GCNT1: variants seen among roughly 807,000 people sequenced by gnomAD.
GCNT1 encodes the protein glucosaminyl (N-acetyl) transferase 1.
In GCNT1, 16 loss-of-function variants were observed where a neutral mutation model predicts 26.2. The observed-to-expected ratio is 0.61, with a 90% CI of 0.41 to 0.93. The LOEUF (loss-of-function observed/expected upper bound fraction) is 0.93. Among genes scored for constraint, GCNT1 ranks in the 40% least tolerant of loss-of-function variants. The pLI, the probability that GCNT1 is intolerant of heterozygous loss-of-function variation, is 0.00. For synonymous variants in GCNT1, 183 were observed against 190.8 expected, an observed-to-expected ratio of 0.96 and a Z score of 0.34; for missense variants, 477 against 526.7, an observed-to-expected ratio of 0.91 and a Z score of 0.92.
At chr9:76,472,071 T>C (rs1291357276) in intron 2 of GCNT1, among the ~76,000 whole-genome samples, 1 of 151,624 alleles carries the variant, frequency 6.6e-6, no homozygotes. Flanking sequence ...AGGTCAGGAG[T>C]TCGAGACCAG....
intron 1 of GCNT1, among the ~76,000 whole-genome samples, chr9:76,453,107 CTG>C (rs1035793303): frequency 6.6e-6 from 1 of 152,186 alleles, no homozygotes; most frequent in Non-Finnish European, 1.5e-5. Context: ...ACTGAAAAAA[CTG>C]TAGCCAATCT....
chr9:76,427,906 C>T (rs546764542), intron 1 of GCNT1, among the ~76,000 whole-genome samples: 5 of 152,094 alleles, frequency 3.3e-5, no homozygotes, highest in Admixed American at 1.3e-4. Flanking sequence ...TGCTTGAACC[C>T]GGGAGGTGGA....
At chr9:76,488,485 T>G (rs192648733) in intron 2 of GCNT1, among the ~76,000 whole-genome samples, 2 of 152,278 alleles carry the variant, frequency 1.3e-5, no homozygotes, top group Non-Finnish European at 2.9e-5. Context: ...ACCCTTTTAT[T>G]GAGTTTCTCT....
the GCNT1 span, among the ~76,000 whole-genome samples, chr9:76,400,036 A>G: frequency 6.6e-6 from 1 of 152,232 alleles, no homozygotes; most frequent in Non-Finnish European, 1.5e-5. Flanking sequence ...CTATGGAGAC[A>G]GTAAACAGAT....
At chr9:76,441,151 TTTG>T (rs1331556539), upstream of GCNT1, among the ~76,000 whole-genome samples, 2 of 152,006 alleles carry the variant, frequency 1.3e-5, 1 homozygote, top group Admixed American at 1.3e-4. Context: ...CATCAGGATT[TTTG>T]TTGTTGTTTG....
chr9:76,402,958 A>G, the GCNT1 span, among the ~76,000 whole-genome samples: 6 of 152,134 alleles, frequency 3.9e-5, no homozygotes, highest in Middle Eastern at 3.2e-3. Flanking sequence ...GATTACATGC[A>G]TGAGCCACCG....
At chr9:76,396,571 G>C in the GCNT1 span, among the ~76,000 whole-genome samples, 2,553 of 152,364 alleles carry the variant, frequency 0.017, 69 homozygotes, top group African/African-American at 0.058. Context: ...GCCTGGCACA[G>C]TGGCTCATGC....
intron 1 of GCNT1, among the ~76,000 whole-genome samples, chr9:76,428,449 A>T (rs1823289294): frequency 6.6e-6 from 1 of 151,982 alleles, no homozygotes. Context: ...AAATGAGAAT[A>T]ATATGAATAC....
rs1825234790 is a variant in GCNT1, at chr9:76,506,208, A to G, written c.*2540A>G. 2.4e-5 allele frequency: 4 copies of G among 167,108 alleles called. No individual in the cohort carries two copies. Among genetic ancestry groups the G allele is most frequent in the South Asian group, 2.1e-4 (1 of 4,832 alleles). The allele number at this position is 167,108 out of a possible 1,614,324, so 10.4% of individuals were successfully genotyped here. A position where few individuals can be genotyped will look rare whatever the true frequency, so the allele number is the denominator to read the frequency against. On this transcript the variant is annotated 3_prime_UTR_variant, in exon 4 of 4. Transcript: ENST00000376730. ...AAATTATTTAAATTACTTTATAGTA[A>G]TTATTAAACACTAATTTTTGTACTG...
rs757818181 is a variant in GCNT1 at position 76,502,711 on chromosome 9, T to C, written c.330T>C (p.Ile110=). ...CSSFIKRRKY[I]VEPLSKEEAE... ...CTTTCATCAAGAGACGCAAATATAT[T>C]GTAGAACCCCTTAGTAAAGAAGAGG... The change falls in exon 4 of 4, where the codon ATT becomes ATC. Residue 110 remains isoleucine, a synonymous_variant. Transcript: ENST00000376730. 2 of 1,614,106 alleles carry C rather than the reference T, an allele frequency of 1.2e-6. No individual in the cohort carries two copies. Among genetic ancestry groups the C allele is most frequent in the Non-Finnish European group, 1.7e-6 (2 of 1,179,958 alleles).
At chr9:76,443,216 GAGA>G (rs1823508217) in intron 1 of GCNT1, among the ~76,000 whole-genome samples, 1 of 152,156 alleles carries the variant, frequency 6.6e-6, no homozygotes, top group South Asian at 2.1e-4. Flanking sequence ...CTCGGTTGGG[GAGA>G]CCCTAACCCA....
chr9:76,467,863 T>C (rs1824037234), intron 2 of GCNT1, among the ~76,000 whole-genome samples: 1 of 150,706 alleles, frequency 6.6e-6, no homozygotes, highest in Admixed American at 6.6e-5. Context: ...TATAAGCATT[T>C]AAGGTCAAGA....
chr9:76,406,928 C>G, the GCNT1 span, among the ~76,000 whole-genome samples: 3 of 152,048 alleles, frequency 2.0e-5, no homozygotes, highest in African/African-American at 7.2e-5. Context: ...GTAATTCCAG[C>G]TACTCAGGAG....
At chr9:76,447,593 C>G (rs1198451307) in intron 1 of GCNT1, among the ~76,000 whole-genome samples, 1 of 152,100 alleles carries the variant, frequency 6.6e-6, no homozygotes, top group African/African-American at 2.4e-5. Context: ...TATGTAAACA[C>G]TAGGACTGAT....
chr9:76,496,252 T>G (rs796107437), intron 2 of GCNT1, among the ~76,000 whole-genome samples: 1 of 152,184 alleles, frequency 6.6e-6, no homozygotes, highest in African/African-American at 2.4e-5. Flanking sequence ...CCAGCTGCTT[T>G]GTAAAGAGCT....
chr9:76,463,443 T>C (rs184998711), intron 2 of GCNT1, among the ~76,000 whole-genome samples: 1 of 152,352 alleles, frequency 6.6e-6, no homozygotes, highest in African/African-American at 2.4e-5. Flanking sequence ...GAAATGTTAC[T>C]GCTGCCACTA....
upstream of GCNT1, among the ~76,000 whole-genome samples, chr9:76,441,130 C>T (rs185891379): frequency 4.6e-5 from 7 of 151,596 alleles, no homozygotes; most frequent in Admixed American, 4.6e-4. Context: ...ATCCTTGGTG[C>T]AGGACCTAGG....
At chr9:76,399,239 G>T in the GCNT1 span, 1 of 1,497,548 alleles carries the variant, frequency 6.7e-7, no homozygotes, top group Non-Finnish European at 9.2e-7. Flanking sequence ...GCTGGCTCGG[G>T]AAGTTCTGCG....
chr9:76,441,474 T>A (rs748213220), upstream of GCNT1, among the ~76,000 whole-genome samples: 1 of 152,136 alleles, frequency 6.6e-6, no homozygotes, highest in Non-Finnish European at 1.5e-5. Flanking sequence ...TAAGGTTCCA[T>A]AAGTAATTCC....
Sources: gnomAD v4.1 joint callset for allele counts (sites outside exome capture counted in the v4.1 genomes callset) on GRCh38, gnomAD v4.1.1 for gene constraint, MANE v1.5 for transcripts, NCBI Gene and HGNC (gene_info 2026-07-23, HGNC 2026-07-21) for gene names.